The following GALNT18 variants were observed in gnomAD, a reference collection of about 807,000 sequenced individuals.
The protein encoded by GALNT18 is GalNAc-transferase 18.
GALNT18 carries 44 observed loss-of-function variants against 69.5 expected under a neutral mutation model. That is an observed-to-expected ratio of 0.63 (90% CI 0.50 to 0.81). The LOEUF is 0.81. Ranked by LOEUF, GALNT18 falls within the 40% of genes least tolerant of loss-of-function variation. GALNT18 has a pLI of 0.00. For missense variants in GALNT18, 715 were observed against 810.0 expected (o/e 0.88, Z 1.42); for synonymous variants, 364 against 318.2 (o/e 1.14, Z -1.53).
At chr11:11,513,165 A>C (rs1313216724) in intron 1 of GALNT18, among the ~76,000 whole-genome samples, 1 of 152,190 alleles carries the variant, frequency 6.6e-6, no homozygotes, top group East Asian at 1.9e-4. Context: ...GCTCAAGTCC[A>C]AACTTGAGTG....
At position 11,454,507 on chromosome 11, in the gene GALNT18, C is replaced by CCTCT. The variant is rs563973696; in HGVS notation, c.236-5575_236-5572dup. Among the ~76,000 whole-genome samples, 79 of 150,298 alleles carry CCTCT rather than the reference C, an allele frequency of 5.3e-4. No individual in the cohort carries two copies. The highest frequency in any genetic ancestry group is 1.5e-3 in the South Asian group (7 of 4,702). On this transcript the variant is annotated intron_variant, in intron 1 of 10. Coordinates refer to ENST00000227756, the MANE Select transcript of GALNT18 (RefSeq NM_198516.3). The surrounding 1 kb of genome is among the most constrained non-coding windows in gnomAD (Gnocchi z 4.2). ...AGAAGGAGGCTGTGTCTTCTTCTTG[C>CCTCT]CTCTCTCTCTCTCTCTCTTTCAAAT...
intron 6 of GALNT18, among the ~76,000 whole-genome samples, chr11:11,371,564 G>GCAT (rs34792794): frequency 0.25 from 38,033 of 151,854 alleles, 4,979 homozygotes; most frequent in Non-Finnish European, 0.29. Context: ...TTCTCTCCAA[G>GCAT]CATCGGCAAG....
intron 6 of GALNT18, chr11:11,352,397 C>A: frequency 6.2e-7 from 1 of 1,614,172 alleles, no homozygotes. Context: ...TCCTCACCAA[C>A]TGATCATAAT....
At chr11:11,363,945 G>T (rs1046088607) in intron 6 of GALNT18, among the ~76,000 whole-genome samples, 1 of 150,764 alleles carries the variant, frequency 6.6e-6, no homozygotes, top group Non-Finnish European at 1.5e-5. Context: ...AATGGACAAA[G>T]GTGGAAAATT....
In GALNT18 at chr11:11,595,009, C is replaced by A. The variant is rs543961568; in HGVS notation, c.235+26350G>T. Among the ~76,000 whole-genome samples the A allele has an allele frequency of 0.023, 3,362 of 146,702 alleles. 132 individuals carry two copies. Among genetic ancestry groups the A allele is most frequent in the African/African-American group, 0.08 (3,196 of 40,180 alleles). On this transcript the variant is annotated intron_variant, in intron 1 of 10. Coordinates refer to ENST00000227756, the MANE Select transcript of GALNT18 (RefSeq NM_198516.3). This position sits in a 1 kb window ranked among gnomAD's most constrained non-coding sequence, Gnocchi z 5.2. ...TGTGTGTGTGTGTGTGTATATATAT[C>A]TATATAAAATCTCCAAGAATGAATA...
In GALNT18 at chr11:11,421,120, A is replaced by G. The variant is rs188528513; in HGVS notation, c.595+11501T>C. On this transcript the variant is annotated intron_variant, in intron 3 of 10. Transcript: ENST00000227756. The surrounding 1 kb of genome is among the most constrained non-coding windows in gnomAD (Gnocchi z 5.6). ...CATGCTGGGGAGTTCCTGATTCTCT[A>G]AGACAGTTTCCTGTATCGAGTAAAG... Among the ~76,000 whole-genome samples the G allele has an allele frequency of 2.6e-5, 4 of 152,194 alleles. No homozygotes were observed. The East Asian group carries it at 7.7e-4, about 29-fold the overall frequency.
intron 1 of GALNT18, among the ~76,000 whole-genome samples, chr11:11,530,346 G>C (rs1254295265): frequency 1.3e-5 from 2 of 152,088 alleles, no homozygotes; most frequent in East Asian, 3.9e-4. Flanking sequence ...CTGCTGACGG[G>C]GCCCTGTCTC....
intron 1 of GALNT18, among the ~76,000 whole-genome samples, chr11:11,550,303 G>A (rs1389017852): frequency 6.6e-6 from 1 of 152,180 alleles, no homozygotes; most frequent in Non-Finnish European, 1.5e-5. Flanking sequence ...TTCCCCAAAG[G>A]CTTCCATGCT....
chr11:11,470,900 C>T lies in GALNT18; in HGVS notation c.236-21964G>A, dbSNP rs190414724. On this transcript the variant is annotated intron_variant, in intron 1 of 10. Coordinates refer to ENST00000227756, the MANE Select transcript of GALNT18 (RefSeq NM_198516.3). This position sits in a 1 kb window ranked among gnomAD's most constrained non-coding sequence, Gnocchi z 4.8. ...TGTTTTCCCCCTCCAGGTCCCCCTC[C>T]TAAAAACCTTTGCCTGAGAATCAAA... Among the ~76,000 whole-genome samples, 9 of 152,276 alleles carry T rather than the reference C, an allele frequency of 5.9e-5. No homozygotes were observed. In the East Asian group the frequency reaches 1.7e-3, roughly 29 times the overall value.
At chr11:11,367,682 AT>A (rs1277736610) in intron 6 of GALNT18, among the ~76,000 whole-genome samples, 1 of 152,218 alleles carries the variant, frequency 6.6e-6, no homozygotes, top group Non-Finnish European at 1.5e-5. Flanking sequence ...GACAGCCAAG[AT>A]TCATATTAAA....
chr11:11,271,605 G>GGGCTGGGTCTTGCTCCCCATAGCCATC (rs146486599), intron 10 of GALNT18, among the ~76,000 whole-genome samples: 60,513 of 151,202 alleles, frequency 0.4, 12,313 homozygotes, highest in Middle Eastern at 0.52. Context: ...CCTACCCCAG[G>GGGCTGGGTCTTGCTCCCCATAGCCATC]GGCTGGGTCC....
intron 6 of GALNT18, among the ~76,000 whole-genome samples, chr11:11,355,752 C>T (rs540343226): frequency 6.6e-6 from 1 of 152,262 alleles, no homozygotes; most frequent in East Asian, 1.9e-4. Context: ...TCAAGACCCT[C>T]ACCTCCTGAT....
intron 1 of GALNT18, among the ~76,000 whole-genome samples, chr11:11,464,709 G>A (rs1041178757): frequency 5.9e-5 from 9 of 152,184 alleles, no homozygotes; most frequent in South Asian, 2.1e-4. Flanking sequence ...ATAGCCTAGC[G>A]GGGAAGTGCC....
chr11:11,575,583 C>T (rs977319711), intron 1 of GALNT18, among the ~76,000 whole-genome samples: 1 of 152,232 alleles, frequency 6.6e-6, no homozygotes, highest in African/African-American at 2.4e-5. Context: ...TCCTTTCGGG[C>T]AAACGTTGAA....
At chr11:11,345,602 G>A (rs959520841) in intron 6 of GALNT18, among the ~76,000 whole-genome samples, 2 of 152,032 alleles carry the variant, frequency 1.3e-5, no homozygotes, top group Non-Finnish European at 2.9e-5. Flanking sequence ...CAAATGGCAC[G>A]ATAGAGCAAG....
intron 1 of GALNT18, among the ~76,000 whole-genome samples, chr11:11,597,484 A>T (rs1010629772): frequency 3.9e-5 from 6 of 152,040 alleles, no homozygotes; most frequent in African/African-American, 1.4e-4. Flanking sequence ...AGGCCTATTT[A>T]TATGTTCTAT....
Position 11,591,523 on chromosome 11 carries a change from G to A in GALNT18, c.235+29836C>T, listed in dbSNP as rs186885710. On this transcript the variant is annotated intron_variant, in intron 1 of 10. Transcript: ENST00000227756. The surrounding 1 kb of genome is among the most constrained non-coding windows in gnomAD (Gnocchi z 4.8). ...TCCAATTTTATAGGCAAGTGGGGAG[G>A]GAGACCATAACAGCCTCCATTTCTC... Among the ~76,000 whole-genome samples, 5 of 152,208 alleles carry A rather than the reference G, an allele frequency of 3.3e-5. No individual in the cohort carries two copies. Among genetic ancestry groups the A allele is most frequent in the African/African-American group, 1.2e-4 (5 of 41,528 alleles).
chr11:11,400,209 G>A (rs1854429146), intron 3 of GALNT18, among the ~76,000 whole-genome samples: 1 of 152,166 alleles, frequency 6.6e-6, no homozygotes, highest in East Asian at 1.9e-4. Flanking sequence ...TCTGATGACT[G>A]CAGCCCTAAC....
At position 11,309,343 on chromosome 11, in the gene GALNT18, C is replaced by A. The variant is rs767144310; in HGVS notation, c.1513-16150G>T. 1.4e-4 allele frequency among the ~76,000 whole-genome samples: 21 copies of A among 152,134 alleles called. No individual in the cohort carries two copies. The highest frequency in any genetic ancestry group is 2.6e-4 in the Non-Finnish European group (18 of 68,030). The stretch of plus-strand genomic sequence containing the variant: ...AACACAAAATGACACACCTATTAAT[C>A]TTGATTACCCACTCTCTTACTTCCC... On this transcript the variant is annotated intron_variant, in intron 9 of 10. Transcript: ENST00000227756. The surrounding 1 kb of genome is among the most constrained non-coding windows in gnomAD (Gnocchi z 4.6).
Sources: gnomAD v4.1 joint callset for allele counts (sites outside exome capture counted in the v4.1 genomes callset) on GRCh38, gnomAD v4.1.1 for gene constraint, Gnocchi (gnomAD v3.1) non-coding constraint, MANE v1.5 for transcripts, NCBI Gene and HGNC (gene_info 2026-07-23, HGNC 2026-07-21) for gene names.